PDE1C: variants seen among roughly 807,000 people sequenced by gnomAD.
The protein encoded by PDE1C is dual specificity calcium/calmodulin-dependent 3',5'-cyclic nucleotide phosphodiesterase 1C.
PDE1C carries 62 observed loss-of-function variants against 93.1 expected under a neutral mutation model. The observed-to-expected ratio is 0.67, with a 90% CI of 0.54 to 0.82. The LOEUF is 0.82. Among genes scored for constraint, PDE1C ranks in the 40% least tolerant of loss-of-function variants. The probability of loss-of-function intolerance (pLI) is 0.00; values close to 1 mark genes in which losing one functional copy is unlikely to be tolerated. For missense variants in PDE1C, 742 were observed against 884.6 expected (o/e 0.84, Z 2.04); for synonymous variants, 325 against 310.1 (o/e 1.05, Z -0.50).
At chr7:31,754,495 C>T (rs1794327648) in intron 17 of PDE1C, among the ~76,000 whole-genome samples, 1 of 152,138 alleles carries the variant, frequency 6.6e-6, no homozygotes, top group Non-Finnish European at 1.5e-5. Flanking sequence ...AGATGTCCTT[C>T]AATAGTTGAG....
intron 7 of PDE1C, among the ~76,000 whole-genome samples, chr7:31,852,002 A>T (rs1476968493): frequency 1.3e-5 from 2 of 152,200 alleles, no homozygotes; most frequent in African/African-American, 4.8e-5. Context: ...AAACTGGTGA[A>T]CTCATAAAAG....
At chr7:31,814,922 C>CT (rs1311212240) in intron 15 of PDE1C, among the ~76,000 whole-genome samples, 1 of 151,826 alleles carries the variant, frequency 6.6e-6, no homozygotes, top group East Asian at 1.9e-4. Flanking sequence ...AATTACCTTG[C>CT]TATTCAGCCA....
chr7:32,179,594 A>G (rs980659739), intron 2 of PDE1C, among the ~76,000 whole-genome samples: 2 of 152,172 alleles, frequency 1.3e-5, no homozygotes, highest in African/African-American at 4.8e-5. Flanking sequence ...AAGGAAGCTC[A>G]GGCTGCAGGG....
chr7:31,914,429 C>G (rs1334355860), intron 2 of PDE1C, among the ~76,000 whole-genome samples: 2 of 152,104 alleles, frequency 1.3e-5, no homozygotes, highest in African/African-American at 4.8e-5. Context: ...TTAACATATA[C>G]CTTGATTTTT....
chr7:32,172,431 A>G (rs906476285), intron 2 of PDE1C, among the ~76,000 whole-genome samples: 3 of 151,862 alleles, frequency 2.0e-5, no homozygotes, highest in Non-Finnish European at 4.4e-5. Context: ...GCCACCAAAC[A>G]TATGAAAAAA....
At chr7:32,073,740 T>C (rs1023615179), upstream of PDE1C, among the ~76,000 whole-genome samples, 1 of 152,212 alleles carries the variant, frequency 6.6e-6, no homozygotes, top group Non-Finnish European at 1.5e-5. Flanking sequence ...TCTCTCTTCA[T>C]CTATCACAGC....
chr7:31,768,491 G>A (rs536431846), intron 17 of PDE1C, among the ~76,000 whole-genome samples: 1 of 152,302 alleles, frequency 6.6e-6, no homozygotes, highest in South Asian at 2.1e-4. Context: ...AATATTCAGT[G>A]AATAACAATG....
At chr7:32,282,391 G>T (rs186349188) in intron 1 of PDE1C, among the ~76,000 whole-genome samples, 4 of 150,712 alleles carry the variant, frequency 2.7e-5, no homozygotes, top group Non-Finnish European at 5.9e-5. Context: ...CAGGAGAATC[G>T]CTTGAACCCA....
the PDE1C span, among the ~76,000 whole-genome samples, chr7:31,698,498 A>G: frequency 6.6e-6 from 1 of 152,210 alleles, no homozygotes; most frequent in African/African-American, 2.4e-5. Context: ...ACACATTTCT[A>G]CATACCAGCT....
At chr7:31,941,477 TCTC>T (rs77933111) in intron 2 of PDE1C, 14,862 of 156,578 alleles carry the variant, frequency 0.095, 926 homozygotes, top group Admixed American at 0.21. Flanking sequence ...CTTGTAACCT[TCTC>T]CTGCAATCAC....
intron 1 of PDE1C, among the ~76,000 whole-genome samples, chr7:32,228,035 C>CA (rs1807421548): frequency 6.6e-6 from 1 of 152,206 alleles, no homozygotes; most frequent in South Asian, 2.1e-4. Context: ...GACTCCAAGC[C>CA]AAAATCACCC....
chr7:31,963,153 T>C (rs1218887271), intron 2 of PDE1C, among the ~76,000 whole-genome samples: 2 of 152,174 alleles, frequency 1.3e-5, no homozygotes. Flanking sequence ...ATAAAAGAAC[T>C]GCCTATATTT....
chr7:31,678,804 A>G, the PDE1C span, among the ~76,000 whole-genome samples: 6 of 152,184 alleles, frequency 3.9e-5, no homozygotes, highest in South Asian at 2.1e-4. Flanking sequence ...TATATGTGAA[A>G]TAAGAGTGTG....
At chr7:31,749,156 A>C (rs752238363), downstream of PDE1C, among the ~76,000 whole-genome samples, 3 of 152,126 alleles carry the variant, frequency 2.0e-5, no homozygotes, top group Non-Finnish European at 4.4e-5. Context: ...GGCTTGCAGA[A>C]GGAAAAGGTA....
rs990635610 is a variant in PDE1C, at chr7:32,277,128, G to A, written c.85+21523C>T. The stretch of plus-strand genomic sequence containing the variant: ...GCCAGGCATGGTTGTGCACACCTGC[G>A]GTCCTAGCTATCCAGGAGGCTGAAG... On this transcript the variant is annotated intron_variant, in intron 1 of 18. Transcript: ENST00000396193. Among the ~76,000 whole-genome samples the A allele has an allele frequency of 4.6e-5, 7 of 152,052 alleles. No homozygotes were observed. The South Asian group carries it at 8.3e-4, about 18-fold the overall frequency.
At chr7:31,651,258 AGAG>A in the PDE1C span, 2 of 1,613,122 alleles carry the variant, frequency 1.2e-6, no homozygotes, top group South Asian at 1.1e-5. Context: ...GGGACATGTC[AGAG>A]GAGGAAAGGT....
intron 9 of PDE1C, among the ~76,000 whole-genome samples, chr7:31,847,560 G>A (rs1792792485): frequency 6.6e-6 from 1 of 151,600 alleles, no homozygotes; most frequent in African/African-American, 2.4e-5. Context: ...AAAAAAAAAA[G>A]CAAATATATC....
intron 2 of PDE1C, among the ~76,000 whole-genome samples, chr7:32,018,217 GTAAT>G (rs1367686795): frequency 2.0e-5 from 3 of 152,084 alleles, no homozygotes; most frequent in African/African-American, 7.2e-5. Context: ...TGATGGGAAT[GTAAT>G]ATGTATGGTG....
chr7:32,412,483 C>A (rs6970444), intron 1 of PDE1C, among the ~76,000 whole-genome samples: 2 of 148,598 alleles, frequency 1.3e-5, no homozygotes, highest in Non-Finnish European at 3.0e-5. Context: ...GTTTAGCAAA[C>A]ACATAAATCA....
Sources: gnomAD v4.1 joint callset for allele counts (sites outside exome capture counted in the v4.1 genomes callset) on GRCh38, gnomAD v4.1.1 for gene constraint, MANE v1.5 for transcripts, NCBI Gene and HGNC (gene_info 2026-07-23, HGNC 2026-07-21) for gene names.